Variants in ULK4 observed in about 807,000 individuals in gnomAD.
ULK4 encodes the protein unc-51 like kinase 4.
ULK4 carries 133 observed loss-of-function variants against 160.6 expected under a neutral mutation model. The observed-to-expected ratio is 0.83, with a 90% confidence interval of 0.72 to 0.96. The LOEUF is 0.96. ULK4 is among the 40% of genes least tolerant of loss of function. The pLI is 0.00. For missense variants in ULK4, 1,580 were observed against 1,499.5 expected (o/e 1.05, Z -0.89); for synonymous variants, 534 against 539.8 (o/e 0.99, Z 0.15).
intron 34 of ULK4, among the ~76,000 whole-genome samples, chr3:41,432,305 T>C (rs1437104562): frequency 6.6e-6 from 1 of 152,210 alleles, no homozygotes; most frequent in African/African-American, 2.4e-5. Flanking sequence ...CAACTTTAAA[T>C]GGCGTTTTCT....
At chr3:41,689,668 C>G (rs2036217892) in intron 27 of ULK4, among the ~76,000 whole-genome samples, 1 of 152,216 alleles carries the variant, frequency 6.6e-6, no homozygotes, top group South Asian at 2.1e-4. Context: ...GACATTTATG[C>G]AGCTAAAACA....
At chr3:41,309,556 T>A (rs1284579302) in intron 35 of ULK4, among the ~76,000 whole-genome samples, 1 of 152,126 alleles carries the variant, frequency 6.6e-6, no homozygotes, top group Non-Finnish European at 1.5e-5. Context: ...AAATGGCAAT[T>A]AGATTCAAAG....
chr3:41,590,115 G>T (rs939750333), intron 31 of ULK4, among the ~76,000 whole-genome samples: 2 of 151,640 alleles, frequency 1.3e-5, no homozygotes, highest in African/African-American at 4.8e-5. Flanking sequence ...CCATTCTCCT[G>T]CCTCAGCCAC....
intron 22 of ULK4, among the ~76,000 whole-genome samples, chr3:41,722,808 GTTTA>G (rs2037522285): frequency 6.6e-6 from 1 of 151,984 alleles, no homozygotes; most frequent in East Asian, 1.9e-4. Context: ...ATATATAACC[GTTTA>G]TTTAACCCAT....
chr3:41,880,921 G>T (rs1716666), intron 17 of ULK4, among the ~76,000 whole-genome samples: 132,828 of 152,066 alleles, frequency 0.87, 59,694 homozygotes, highest in Non-Finnish European at 0.98. Context: ...AGACTCTATC[G>T]CAAAAAAATA....
intron 35 of ULK4, among the ~76,000 whole-genome samples, chr3:41,269,007 CCAG>C (rs1358958239): frequency 6.6e-6 from 1 of 152,044 alleles, no homozygotes; most frequent in African/African-American, 2.4e-5. Context: ...CCCAACCAAC[CCAG>C]AAGAGAGACT....
intron 31 of ULK4, among the ~76,000 whole-genome samples, chr3:41,589,576 T>C (rs553628471): frequency 6.6e-6 from 1 of 152,236 alleles, no homozygotes; most frequent in African/African-American, 2.4e-5. Flanking sequence ...ATAGTGCCTT[T>C]TGTAAAAATA....
chr3:41,670,852 T>A (rs187768067), intron 29 of ULK4, among the ~76,000 whole-genome samples: 1 of 152,138 alleles, frequency 6.6e-6, no homozygotes, highest in Admixed American at 6.5e-5. Flanking sequence ...TTATCCTGAT[T>A]GAGAGGGAGC....
chr3:41,588,484 A>G (rs1035025204), intron 31 of ULK4, among the ~76,000 whole-genome samples: 5 of 152,222 alleles, frequency 3.3e-5, no homozygotes, highest in South Asian at 2.1e-4. Flanking sequence ...ACTTTTATCT[A>G]TGGGCAAACT....
chr3:41,570,466 G>A (rs1013937087), intron 31 of ULK4, among the ~76,000 whole-genome samples: 2 of 151,822 alleles, frequency 1.3e-5, no homozygotes, highest in Non-Finnish European at 2.9e-5. Flanking sequence ...AGTAACCAAC[G>A]ATACATAAAA....
intron 18 of ULK4, among the ~76,000 whole-genome samples, chr3:41,830,115 A>G (rs941053138): frequency 1.3e-5 from 2 of 152,080 alleles, no homozygotes; most frequent in East Asian, 1.9e-4. Context: ...ATGGACACAG[A>G]AAGGGGAACA....
intron 16 of ULK4, among the ~76,000 whole-genome samples, chr3:41,888,714 G>A (rs1310341370): frequency 1.3e-5 from 2 of 152,196 alleles, no homozygotes; most frequent in Non-Finnish European, 2.9e-5. Flanking sequence ...CTTGGGGTGG[G>A]ACATAGGTGT....
chr3:41,519,262 A>G (rs1017048867), intron 32 of ULK4, among the ~76,000 whole-genome samples: 1 of 152,146 alleles, frequency 6.6e-6, no homozygotes, highest in Non-Finnish European at 1.5e-5. Context: ...CACAGCAAGC[A>G]CCTCCTCTGT....
intron 34 of ULK4, among the ~76,000 whole-genome samples, chr3:41,438,622 G>C (rs1407774661): frequency 6.6e-6 from 1 of 152,048 alleles, no homozygotes; most frequent in Non-Finnish European, 1.5e-5. Context: ...TTTGAGACCA[G>C]CCTGGGCAAG....
chr3:41,638,753 G>A (rs918097038), intron 30 of ULK4, among the ~76,000 whole-genome samples: 1 of 152,200 alleles, frequency 6.6e-6, no homozygotes, highest in Non-Finnish European at 1.5e-5. Context: ...TCTTGATATG[G>A]AAGAAGATTT....
intron 18 of ULK4, among the ~76,000 whole-genome samples, chr3:41,830,211 G>A (rs551215484): frequency 2.0e-5 from 3 of 151,706 alleles, no homozygotes; most frequent in South Asian, 4.2e-4. Context: ...ACGAGTTAAC[G>A]GGTGCAGCAC....
At chr3:41,705,428 TA>T in intron 25 of ULK4, 123 bp from the exon 26 acceptor site, 1 of 569,478 alleles carries the variant, frequency 1.8e-6, no homozygotes, top group South Asian at 2.7e-5. Context: ...CAGTATTAAA[TA>T]CTCTATACAT....
intron 34 of ULK4, among the ~76,000 whole-genome samples, chr3:41,448,910 G>T (rs1419198547): frequency 6.6e-6 from 1 of 152,076 alleles, no homozygotes; most frequent in African/African-American, 2.4e-5. Context: ...TTTCAAGATG[G>T]AGTCTCACTC....
chr3:41,716,129 C>T (rs2037256842), intron 23 of ULK4, among the ~76,000 whole-genome samples: 1 of 151,228 alleles, frequency 6.6e-6, no homozygotes, highest in African/African-American at 2.4e-5. Flanking sequence ...AGGAGAATCA[C>T]TTGAATCTGG....
Sources: gnomAD v4.1 joint callset for allele counts (sites outside exome capture counted in the v4.1 genomes callset) on GRCh38, gnomAD v4.1.1 for gene constraint, MANE v1.5 for transcripts, NCBI Gene and HGNC (gene_info 2026-07-23, HGNC 2026-07-21) for gene names.